Variants in GABBR2 observed in about 807,000 individuals in gnomAD.
The protein encoded by GABBR2 is gamma-aminobutyric acid type B receptor subunit 2.
Under a neutral mutation model 105.6 loss-of-function variants are expected in GABBR2, and 23 were observed. The ratio of observed to expected loss-of-function variants is 0.22; its 90% CI spans 0.16 to 0.31. The LOEUF (loss-of-function observed/expected upper bound fraction) is 0.31. GABBR2 is among the 10% of genes least tolerant of loss of function. The probability of loss-of-function intolerance (pLI) is 1.00; values close to 1 mark genes in which losing one functional copy is unlikely to be tolerated. For missense variants in GABBR2, 734 were observed against 1,245.5 expected (o/e 0.59, Z 6.18); for synonymous variants, 478 against 499.7 (o/e 0.96, Z 0.58).
chr9:98,627,892 C>T (rs1369470495), intron 1 of GABBR2, among the ~76,000 whole-genome samples: 1 of 152,222 alleles, frequency 6.6e-6, no homozygotes, highest in Non-Finnish European at 1.5e-5. Flanking sequence ...CGCAGCTCTT[C>T]AGGGCAGAGC....
intron 1 of GABBR2, among the ~76,000 whole-genome samples, chr9:98,669,733 T>C (rs181930981): frequency 6.6e-6 from 1 of 152,096 alleles, no homozygotes; most frequent in African/African-American, 2.4e-5. Context: ...GATTCATCAC[T>C]CCACAAATAC....
In GABBR2 at chr9:98,708,596, G is replaced by C; in HGVS notation, c.142C>G (p.Arg48Gly). Residue 48 changes from arginine to glycine, a missense_variant, in exon 1 of 19, where the codon CGG (arginine) becomes GGG (glycine). Coordinates refer to ENST00000259455, the MANE Select transcript of GABBR2 (RefSeq NM_005458.8). ...AGCGGCGGGCTGCTGGGCGGCGGCC[G>C]GGGGGCGCCCCGCGCCCAGCCCCAG... ...GAWGWARGAP[R>G]PPPSSPPLSI... 5.6e-6 allele frequency: 8 copies of C among 1,436,746 alleles called. No individual in the cohort carries two copies. The highest frequency in any genetic ancestry group is 6.4e-6 in the Non-Finnish European group (7 of 1,093,760). 89.0% of individuals were successfully genotyped at this position (1,436,746 alleles called of 1,614,324 possible).
At chr9:98,313,052 G>C (rs1384961943) in intron 13 of GABBR2, among the ~76,000 whole-genome samples, 1 of 152,176 alleles carries the variant, frequency 6.6e-6, no homozygotes, top group Non-Finnish European at 1.5e-5. Flanking sequence ...GTCTGGCCTA[G>C]TATGTTCCTT....
chr9:98,453,933 T>G, intron 7 of GABBR2, 48 bp downstream of exon 7: 1 of 1,273,012 alleles, frequency 7.9e-7, no homozygotes. Flanking sequence ...TTGCTTTGCA[T>G]GTTTACAAGG....
chr9:98,641,297 C>A (rs1829959108), intron 1 of GABBR2, among the ~76,000 whole-genome samples: 1 of 146,114 alleles, frequency 6.8e-6, no homozygotes, highest in Non-Finnish European at 1.5e-5. Context: ...CCATGCCCAG[C>A]TATTTTTTTT....
At chr9:98,305,873 C>T (rs892659813) in intron 15 of GABBR2, among the ~76,000 whole-genome samples, 2 of 151,828 alleles carry the variant, frequency 1.3e-5, no homozygotes, top group African/African-American at 4.8e-5. Flanking sequence ...ACATCAAAAA[C>T]ATTAACAGTA....
intron 6 of GABBR2, among the ~76,000 whole-genome samples, chr9:98,470,545 G>A (rs1214815458): frequency 6.6e-6 from 1 of 152,086 alleles, no homozygotes; most frequent in Non-Finnish European, 1.5e-5. Context: ...GGGAATTATG[G>A]GAGTACAATT....
intron 2 of GABBR2, among the ~76,000 whole-genome samples, chr9:98,566,575 C>T (rs1350615098): frequency 7.9e-5 from 12 of 151,614 alleles, no homozygotes; most frequent in South Asian, 2.1e-4. Context: ...CTCGGGAGGC[C>T]GAGGCAGGAG....
At chr9:98,496,156 G>A in intron 4 of GABBR2, 1 of 502,652 alleles carries the variant, frequency 2.0e-6, no homozygotes. Context: ...CCCTGAGGCT[G>A]CGTTGAGAGA....
rs59876797 is a variant in GABBR2 at position 98,436,315 on chromosome 9, A to AT, written c.1236+17665_1236+17666insA. ...TATATATATATATACCCATAAATAT[A>AT]CCATATATATATATATACACACACA... is the stretch of plus-strand genomic sequence containing the variant. On this transcript the variant is annotated intron_variant, in intron 7 of 18. Coordinates refer to ENST00000259455, the MANE Select transcript of GABBR2 (RefSeq NM_005458.8). 6.7e-4 allele frequency among the ~76,000 whole-genome samples: 58 copies of AT among 86,998 alleles called. 2 individuals carry two copies. Among genetic ancestry groups the AT allele is most frequent in the Non-Finnish European group, 9.4e-4 (45 of 47,744 alleles). The allele number at this position is 86,998 out of a possible 152,430, so 57.1% of individuals were successfully genotyped here.
At chr9:98,524,564 T>G (rs1379727537) in intron 3 of GABBR2, among the ~76,000 whole-genome samples, 3 of 152,234 alleles carry the variant, frequency 2.0e-5, no homozygotes. Flanking sequence ...CTTGCTCCTC[T>G]GCACTCTCCC....
In GABBR2 at chr9:98,707,914, C is replaced by G. The variant is rs1236285297; in HGVS notation, c.321+503G>C. Among the ~76,000 whole-genome samples, 4 of 152,248 alleles carry G rather than the reference C, an allele frequency of 2.6e-5. No homozygotes were observed. In the East Asian group the frequency reaches 7.7e-4, roughly 29 times the overall value. On this transcript the variant is annotated intron_variant, in intron 1 of 18. Transcript: ENST00000259455. ...GCCCAGCCACGCTGCACGCTCAAGC[C>G]CCTTGGGTTCCGGAGCCTTCCGGAC...
At chr9:98,472,508 A>G (rs1267314363) in intron 6 of GABBR2, among the ~76,000 whole-genome samples, 1 of 151,856 alleles carries the variant, frequency 6.6e-6, no homozygotes, top group East Asian at 2.0e-4. Context: ...CCTGCCATCA[A>G]TCCTCCTGAT....
chr9:98,393,645 T>G (rs1023454968), intron 9 of GABBR2, among the ~76,000 whole-genome samples: 9 of 152,182 alleles, frequency 5.9e-5, no homozygotes, highest in Non-Finnish European at 1.3e-4. Context: ...CCTAGTAATA[T>G]CAATGTAAAG....
chr9:98,560,430 CACACACACACAT>C (rs1238597922), intron 2 of GABBR2, among the ~76,000 whole-genome samples: 1 of 148,226 alleles, frequency 6.7e-6, no homozygotes, highest in African/African-American at 2.6e-5. Flanking sequence ...TACACATACA[CACACACACACAT>C]ACACACACAC....
chr9:98,421,194 G>A (rs765643690), intron 7 of GABBR2, among the ~76,000 whole-genome samples: 16 of 152,192 alleles, frequency 1.1e-4, no homozygotes, highest in Non-Finnish European at 1.9e-4. Context: ...TGAACTACTA[G>A]CTTGAAGTAA....
At chr9:98,441,168 T>C (rs1004591793) in intron 7 of GABBR2, among the ~76,000 whole-genome samples, 3 of 152,194 alleles carry the variant, frequency 2.0e-5, no homozygotes, top group African/African-American at 7.2e-5. Flanking sequence ...AACTATTTGG[T>C]TAGCGGTAGC....
intron 7 of GABBR2, among the ~76,000 whole-genome samples, chr9:98,430,991 A>T (rs1825799175): frequency 6.9e-6 from 1 of 145,016 alleles, no homozygotes; most frequent in Non-Finnish European, 1.5e-5. Flanking sequence ...GGTCCCTATT[A>T]CTCCTCCATC....
At chr9:98,697,584 T>A (rs1830773688) in intron 1 of GABBR2, among the ~76,000 whole-genome samples, 1 of 152,194 alleles carries the variant, frequency 6.6e-6, no homozygotes, top group Non-Finnish European at 1.5e-5. Context: ...CGACATATAG[T>A]AAGCACTGGA....
Sources: gnomAD v4.1 joint callset for allele counts (sites outside exome capture counted in the v4.1 genomes callset) on GRCh38, gnomAD v4.1.1 for gene constraint, MANE v1.5 for transcripts, NCBI Gene and HGNC (gene_info 2026-07-23, HGNC 2026-07-21) for gene names.